The following DSG4 variants were observed in gnomAD, a reference collection of about 807,000 sequenced individuals.
DSG4 encodes desmoglein-4.
A neutral mutation model predicts 93.1 loss-of-function variants in DSG4; 87 were observed. The observed-to-expected ratio is 0.93, with a 90% CI of 0.79 to 1.12. The LOEUF is 1.12. Ranked by LOEUF, DSG4 falls within the 50% of genes most tolerant of loss-of-function variation. The pLI, the probability that DSG4 is intolerant of heterozygous loss-of-function variation, is 0.00. For missense variants in DSG4, 1,373 were observed against 1,285.7 expected (o/e 1.07, Z -1.04); for synonymous variants, 432 against 452.9 (o/e 0.95, Z 0.59).
intron 15 of DSG4, 24 bp downstream of exon 15, chr18:31,411,472 A>G: frequency 6.2e-7 from 1 of 1,610,840 alleles, no homozygotes; most frequent in Non-Finnish European, 8.5e-7. Context: ...AGTCACACAT[A>G]AAATCGTCTT....
At chr18:31,377,067 G>T in intron 1 of DSG4, 108 bp downstream of exon 1, 1 of 1,219,242 alleles carries the variant, frequency 8.2e-7, no homozygotes, top group African/African-American at 1.5e-5. Flanking sequence ...TCTCCTTCCT[G>T]CAAAGAGAGT....
At chr18:31,408,606 C>G (rs2072452751) in intron 12 of DSG4, among the ~76,000 whole-genome samples, 1 of 152,164 alleles carries the variant, frequency 6.6e-6, no homozygotes, top group Non-Finnish European at 1.5e-5. Flanking sequence ...GGTACATTAG[C>G]TGCTTTGATA....
At chr18:31,400,065 G>C (rs1452300554) in intron 9 of DSG4, among the ~76,000 whole-genome samples, 2 of 152,058 alleles carry the variant, frequency 1.3e-5, no homozygotes, top group Non-Finnish European at 2.9e-5. Flanking sequence ...AGATAGTATT[G>C]GGGCACTAGG....
intron 12 of DSG4, among the ~76,000 whole-genome samples, chr18:31,409,217 G>C (rs1212736395): frequency 3.9e-5 from 6 of 152,138 alleles, no homozygotes; most frequent in Admixed American, 3.9e-4. Context: ...TCAATTACCT[G>C]ATCGCAAACT....
intron 8 of DSG4, among the ~76,000 whole-genome samples, chr18:31,398,880 T>C (rs1183020887): frequency 6.6e-6 from 1 of 152,234 alleles, no homozygotes; most frequent in African/African-American, 2.4e-5. Context: ...GTGAGTTCTA[T>C]AAAGGAAATC....
chr18:31,403,484 A>G lies in DSG4; in HGVS notation c.1486A>G (p.Asn496Asp), dbSNP rs2072391632. ...EVPDINDYCP[N>D]IFPERRTICI... is the part of the protein sequence containing the mutation. ...TCCTGATATCAATGATTATTGTCCA[A>G]ACATTTTTCCTGAAAGAAGAACCAT... The change falls in exon 11 of 16, where the codon AAC becomes GAC. Residue 496 changes from asparagine to aspartate, a missense_variant. Physicochemically the swap from Asn to Asp is conservative, Grantham distance 23. Coordinates refer to ENST00000308128, the MANE Select transcript of DSG4 (RefSeq NM_177986.5). 6.2e-7 allele frequency: 1 copy of G among 1,614,020 alleles called. No individual in the cohort carries two copies. The highest frequency in any genetic ancestry group is 8.5e-7 in the Non-Finnish European group (1 of 1,179,970).
intron 11 of DSG4, 104 bp from the exon 12 acceptor site, chr18:31,405,973 A>C: frequency 1.5e-6 from 2 of 1,290,512 alleles, no homozygotes; most frequent in Admixed American, 1.8e-5. Flanking sequence ...AAGCATGAAA[A>C]ATCTAGTGTT....
Position 31,392,273 on chromosome 18 carries a change from A to T in DSG4, c.938A>T (p.Asn313Ile), listed in dbSNP as rs764811428. Residue 313 changes from asparagine to isoleucine, a missense_variant, in exon 8 of 16, where the codon AAT becomes ATT. Asn to Ile is a moderately radical substitution (Grantham distance 149). Transcript: ENST00000308128. ...WLAQYLILSG[N>I]DGNWFDIQTD... is the part of the protein sequence containing the mutation. ...GCTCAATATTTAATTCTCTCTGGAA[A>T]TGATGGGAATTGGTTCGATATTCAA... is the stretch of plus-strand genomic sequence containing the variant. 2.5e-6 allele frequency: 4 copies of T among 1,613,850 alleles called. No individual in the cohort carries two copies. In the South Asian group the frequency reaches 4.4e-5, roughly 18 times the overall value.
At chr18:31,395,530 T>C (rs908187476) in intron 8 of DSG4, among the ~76,000 whole-genome samples, 1 of 151,990 alleles carries the variant, frequency 6.6e-6, no homozygotes, top group Non-Finnish European at 1.5e-5. Flanking sequence ...AATTTTCCCA[T>C]GTTTGACATT....
In DSG4 at chr18:31,400,922, A is replaced by G. The variant is rs2144198752; in HGVS notation, c.1319A>G (p.Asp440Gly). Residue 440 changes from aspartate (D) to glycine (G), a missense_variant, in exon 10 of 16, where the codon GAT becomes GGT. By Grantham distance (94) the Asp-to-Gly change is moderately conservative. Coordinates refer to ENST00000308128, the MANE Select transcript of DSG4 (RefSeq NM_177986.5). ...GATGCAGGCAGCTGGTTAAAAATTG[A>G]TTCAAGAACTGGTGAGATACAATTT... ...GHDAGSWLKI[D>G]SRTGEIQFSR... 6.2e-7 allele frequency: 1 copy of G among 1,612,758 alleles called. No individual in the cohort carries two copies. The highest frequency in any genetic ancestry group is 2.2e-5 in the East Asian group (1 of 44,728).
rs1177764971 is a variant in DSG4, at chr18:31,413,370, G to C, written c.2898G>C (p.Glu966Asp). ...LADYNNVIYA[E>D]RVLASPGVPD... ...ATTACAACAATGTAATCTATGCTGA[G>C]AGAGTACTGGCTAGTCCTGGTGTGC... Residue 966 changes from glutamate to aspartate, a missense_variant, in exon 16 of 16, where the codon GAG (glutamate) becomes GAC (aspartate). Transcript: ENST00000308128. The C allele has an allele frequency of 1.9e-6, 3 of 1,614,160 alleles. No homozygotes were observed. Among genetic ancestry groups the C allele is most frequent in the African/African-American group, 2.7e-5 (2 of 75,018 alleles).
At chr18:31,384,618 G>A (rs890151396) in intron 1 of DSG4, among the ~76,000 whole-genome samples, 1 of 152,176 alleles carries the variant, frequency 6.6e-6, no homozygotes, top group South Asian at 2.1e-4. Context: ...GGATGAAACT[G>A]AGCATCAGGG....
intron 14 of DSG4, chr18:31,411,001 T>C: frequency 1.6e-6 from 2 of 1,276,518 alleles, no homozygotes; most frequent in Non-Finnish European, 2.1e-6. Flanking sequence ...TCTGTGCAAA[T>C]GTGGGAAGGC....
At chr18:31,389,984 G>T (rs943484564) in intron 5 of DSG4, among the ~76,000 whole-genome samples, 3 of 152,234 alleles carry the variant, frequency 2.0e-5, no homozygotes, top group South Asian at 4.1e-4. Flanking sequence ...TCCCTGCCTA[G>T]GAAGCAAAAG....
chr18:31,390,686 A>T lies in DSG4; in HGVS notation c.548A>T (p.Asp183Val). 6.2e-7 allele frequency: 1 copy of T among 1,613,712 alleles called. No homozygotes were observed. Among genetic ancestry groups the T allele is most frequent in the South Asian group, 1.1e-5 (1 of 91,074 alleles). ...TTGGTAGTAAAGTTATGTGCCACAG[A>T]TGCAGATGAAGAAAATCATCTGAAT... ...NTLVVKLCATDADEENHLNSK... is the reference protein window; with the variant it reads ...NTLVVKLCATVADEENHLNSK... The change falls in exon 6 of 16, where the codon GAT (aspartate) becomes GTT (valine). Residue 183 changes from aspartate (D) to valine (V), a missense_variant. Physicochemically the swap from Asp to Val is radical, Grantham distance 152 (BLOSUM62 -3). Transcript: ENST00000308128.
intron 1 of DSG4, among the ~76,000 whole-genome samples, chr18:31,383,956 A>G (rs1449471476): frequency 6.6e-6 from 1 of 152,234 alleles, no homozygotes; most frequent in Non-Finnish European, 1.5e-5. Context: ...ATCATTAAAA[A>G]TCATTTTGAT....
In DSG4 at chr18:31,406,370, A is replaced by T. The variant is rs4799570; in HGVS notation, c.1930A>T (p.Ile644Phe). The T allele has an allele frequency of 6.2e-7, 1 of 1,613,932 alleles. No homozygotes were observed. Among genetic ancestry groups the T allele is most frequent in the African/African-American group, 1.3e-5 (1 of 74,934 alleles). The stretch of plus-strand genomic sequence containing the variant: ...GATGGTTCTGGGCATCCTGCTACTG[A>T]TTTGTAAGTACTCAATTAAATCCTT... ...GMMVLGILLLILAPLLLLLCC... is the reference protein window; with the variant it reads ...GMMVLGILLLFLAPLLLLLCC... Residue 644 changes from isoleucine to phenylalanine, a missense_variant, in exon 12 of 16, where the codon ATT becomes TTT. Physicochemically the swap from Ile to Phe is conservative, Grantham distance 21 (BLOSUM62 0). Coordinates refer to ENST00000308128, the MANE Select transcript of DSG4 (RefSeq NM_177986.5).
intron 1 of DSG4, 51 bp from the exon 2 acceptor site, chr18:31,385,085 T>G (rs1429721141): frequency 2.8e-6 from 4 of 1,449,124 alleles, no homozygotes; most frequent in Non-Finnish European, 3.9e-6. Context: ...TGACATGGCT[T>G]CCTCTAAATT....
At chr18:31,390,486 A>AT (rs1468644472) in intron 5 of DSG4, among the ~76,000 whole-genome samples, 170 bp from the exon 6 acceptor site, 1 of 152,036 alleles carries the variant, frequency 6.6e-6, no homozygotes, top group South Asian at 2.1e-4. Flanking sequence ...AGCAAACCAC[A>AT]TTTTTTTTAA....
Sources: allele counts gnomAD v4.1 joint callset (sites outside exome capture counted in the v4.1 genomes callset), GRCh38; gene constraint gnomAD v4.1.1; transcripts MANE v1.5; gene names NCBI Gene and HGNC (gene_info 2026-07-23, HGNC 2026-07-21).